The following SYT14 variants were observed in gnomAD, a reference collection of about 807,000 sequenced individuals.
SYT14 encodes the protein synaptotagmin-14.
SYT14 carries 32 observed loss-of-function variants against 74.2 expected under a neutral mutation model. The observed-to-expected ratio is 0.43, with a 90% CI of 0.33 to 0.58. SYT14 has a LOEUF of 0.58. SYT14 is among the 20% of genes least tolerant of loss of function. The pLI, the probability that SYT14 is intolerant of heterozygous loss-of-function variation, is 0.05. For synonymous variants in SYT14, 298 were observed against 337.7 expected (o/e 0.88, Z 1.29); for missense variants, 791 against 981.8 (o/e 0.81, Z 2.60).
chr1:209,996,486 G>T (rs1158500127), intron 2 of SYT14, among the ~76,000 whole-genome samples: 1 of 152,004 alleles, frequency 6.6e-6, no homozygotes, highest in Admixed American at 6.6e-5. Context: ...AAACAAAAAA[G>T]ACCTGGACCA....
rs1183885685 is a variant in SYT14 at position 209,981,450 on chromosome 1, C to CTTTTTTTTTTTTTTTTTTTTTTT, written c.-486+28713_-486+28714insTTTTTTTTTTTTTTTTTTTTTTT. 1.6e-4 allele frequency among the ~76,000 whole-genome samples: 16 copies of CTTTTTTTTTTTTTTTTTTTTTTT among 99,050 alleles called. 1 individual carries two copies. Among genetic ancestry groups the CTTTTTTTTTTTTTTTTTTTTTTT allele is most frequent in the African/African-American group, 2.0e-4 (5 of 25,060 alleles). 65.0% of individuals were successfully genotyped at this position (99,050 alleles called of 152,430 possible). A position where few individuals can be genotyped will look rare whatever the true frequency, so the allele number is the denominator to read the frequency against. ...TTCTTTTTCTTTTTCTTTTTCTTTT[C>CTTTTTTTTTTTTTTTTTTTTTTT]TTTTTTTTTTTTTTTTTTTGAGGCA... On this transcript the variant is annotated intron_variant, in intron 2 of 9. Coordinates refer to ENST00000637265, the Ensembl canonical transcript of SYT14.
exon 3 of SYT14, chr1:210,013,705 A>C: frequency 6.2e-7 from 1 of 1,612,756 alleles, no homozygotes; most frequent in South Asian, 1.1e-5. Context: ...CTTTTTCTCT[A>C]TATTAATAAG....
At chr1:210,117,310 T>C (rs1266073932) in intron 7 of SYT14, among the ~76,000 whole-genome samples, 2 of 152,168 alleles carry the variant, frequency 1.3e-5, no homozygotes, top group Non-Finnish European at 2.9e-5. Flanking sequence ...TGTGTGTCCC[T>C]ATAAGAATCA....
At position 210,072,132 on chromosome 1, in the gene SYT14, G is replaced by GATATATATAT. The variant is rs34290398; in HGVS notation, c.1313-22180_1313-22171dup. Among the ~76,000 whole-genome samples the GATATATATAT allele has an allele frequency of 1.6e-3, 237 of 146,302 alleles. 1 individual carries two copies. Among genetic ancestry groups the GATATATATAT allele is most frequent in the East Asian group, 3.2e-3 (16 of 5,022 alleles). The stretch of plus-strand genomic sequence containing the variant: ...TTAGCTGATTAGCTGGTTAATTAAA[G>GATATATATAT]ATATATATATATATATATACTATTT... On this transcript the variant is annotated intron_variant, in intron 5 of 9. Transcript: ENST00000637265.
At chr1:209,952,265 G>A (rs1278372576) in intron 1 of SYT14, among the ~76,000 whole-genome samples, 6 of 152,026 alleles carry the variant, frequency 3.9e-5, no homozygotes, top group African/African-American at 1.4e-4. Context: ...TTATAATAGT[G>A]GGTTGTTGGA....
At chr1:210,039,815 C>G (rs2080748065) in intron 5 of SYT14, among the ~76,000 whole-genome samples, 2 of 152,100 alleles carry the variant, frequency 1.3e-5, no homozygotes, top group Admixed American at 1.3e-4. Context: ...AAATGCAAAT[C>G]AAAACCACAA....
At chr1:209,983,342 G>A (rs2079520780) in intron 2 of SYT14, among the ~76,000 whole-genome samples, 1 of 151,990 alleles carries the variant, frequency 6.6e-6, no homozygotes, top group South Asian at 2.1e-4. Flanking sequence ...TGATACATGT[G>A]TTGGTATGTT....
At chr1:210,021,362 C>T in intron 5 of SYT14, 108 bp downstream of exon 4, 3 of 1,004,942 alleles carry the variant, frequency 3.0e-6, no homozygotes, top group Non-Finnish European at 4.6e-6. Context: ...AGAGCACATA[C>T]AGTACAGTCA....
chr1:209,978,553 C>A (rs1385633017), intron 2 of SYT14, among the ~76,000 whole-genome samples: 1 of 152,142 alleles, frequency 6.6e-6, no homozygotes, highest in Admixed American at 6.5e-5. Context: ...GCTGCCTGAT[C>A]GTTCCTCTGG....
chr1:209,968,969 C>T (rs1212985181), intron 2 of SYT14, among the ~76,000 whole-genome samples: 2 of 152,018 alleles, frequency 1.3e-5, no homozygotes, highest in African/African-American at 2.4e-5. Flanking sequence ...CAGTGTTTAG[C>T]TCCCACTTAT....
chr1:210,130,637 T>G (rs753698429), intron 7 of SYT14, among the ~76,000 whole-genome samples: 3 of 152,176 alleles, frequency 2.0e-5, no homozygotes, highest in Non-Finnish European at 2.9e-5. Context: ...CTTCACAGTG[T>G]AAAATGACAG....
intron 5 of SYT14, among the ~76,000 whole-genome samples, chr1:210,074,699 C>T (rs1020457793): frequency 6.6e-6 from 1 of 152,124 alleles, no homozygotes; most frequent in South Asian, 2.1e-4. Context: ...GTTCCCTTGT[C>T]CCCCTCTCAG....
intron 2 of SYT14, among the ~76,000 whole-genome samples, chr1:210,012,707 T>C (rs959589133): frequency 6.6e-6 from 1 of 151,708 alleles, no homozygotes; most frequent in Non-Finnish European, 1.5e-5. Context: ...TTTCTTTCTT[T>C]CTTTTTTTTT....
intron 7 of SYT14, among the ~76,000 whole-genome samples, chr1:210,113,113 G>C (rs998498101): frequency 1.3e-5 from 2 of 151,360 alleles, no homozygotes; most frequent in South Asian, 2.1e-4. Context: ...GGACAAAAAG[G>C]CTACAGGGCG....
At chr1:210,075,999 AC>A (rs1386124452) in intron 5 of SYT14, among the ~76,000 whole-genome samples, 1 of 152,186 alleles carries the variant, frequency 6.6e-6, no homozygotes, top group Admixed American at 6.5e-5. Flanking sequence ...ACAACTTTAA[AC>A]TTTTTGATGG....
chr1:209,988,372 A>T (rs967575411), intron 2 of SYT14, among the ~76,000 whole-genome samples: 1 of 152,138 alleles, frequency 6.6e-6, no homozygotes. Flanking sequence ...ATATCATCAT[A>T]ATTGTTAGTG....
exon 4 of SYT14, chr1:210,015,944 T>G: frequency 8.1e-7 from 1 of 1,231,206 alleles, no homozygotes; most frequent in Non-Finnish European, 1.0e-6. Context: ...TCCAAAGTGG[T>G]TGATATTTTC....
At chr1:210,111,737 G>A (rs931552838) in intron 7 of SYT14, among the ~76,000 whole-genome samples, 2 of 151,154 alleles carry the variant, frequency 1.3e-5, no homozygotes, top group African/African-American at 4.9e-5. Flanking sequence ...CAGAAGACAC[G>A]AAGTCCGAAT....
chr1:209,973,878 T>C (rs888222975), intron 2 of SYT14, among the ~76,000 whole-genome samples: 1 of 152,150 alleles, frequency 6.6e-6, no homozygotes, highest in Non-Finnish European at 1.5e-5. Flanking sequence ...ACCTGTTGTT[T>C]CCTGACTTTT....
Sources: gnomAD v4.1 joint callset for allele counts (sites outside exome capture counted in the v4.1 genomes callset) on GRCh38, gnomAD v4.1.1 for gene constraint, MANE v1.5 for transcripts, NCBI Gene and HGNC (gene_info 2026-07-23, HGNC 2026-07-21) for gene names.